Variants in MOK observed in about 807,000 individuals in gnomAD.
MOK encodes MAPK/MAK/MRK overlapping kinase.
In MOK, 59 loss-of-function variants were observed where a neutral mutation model predicts 54.2. The ratio of observed to expected loss-of-function variants is 1.09; its 90% CI spans 0.88 to 1.35. The LOEUF is 1.35. MOK is among the 40% of genes most tolerant of loss of function. The pLI is 0.00. For synonymous variants in MOK, 210 were observed against 202.7 expected, an observed-to-expected ratio of 1.04 and a Z score of -0.31; for missense variants, 517 against 526.2, an observed-to-expected ratio of 0.98 and a Z score of 0.17.
chr14:102,254,079 G>A (rs1429531982), intron 4 of MOK, among the ~76,000 whole-genome samples: 1 of 151,840 alleles, frequency 6.6e-6, no homozygotes, highest in African/African-American at 2.4e-5. Flanking sequence ...CCACCTCCCA[G>A]GTTCAAGCAA....
downstream of MOK, chr14:102,225,486 T>C (rs989548914): frequency 6.6e-6 from 1 of 152,308 alleles, no homozygotes; most frequent in African/African-American, 2.4e-5. Context: ...AGCAGTTTGG[T>C]CAGATGATCC....
At chr14:102,297,315 G>C (rs577449470) in intron 1 of MOK, among the ~76,000 whole-genome samples, 1 of 146,862 alleles carries the variant, frequency 6.8e-6, no homozygotes, top group East Asian at 2.0e-4. Flanking sequence ...CCAAGATTAC[G>C]TCACTGCACT....
chr14:102,275,182 T>A lies in MOK; in HGVS notation c.122+8296A>T, dbSNP rs527907563. 3.3e-5 allele frequency among the ~76,000 whole-genome samples: 5 copies of A among 152,292 alleles called. No homozygotes were observed. In the South Asian group the frequency reaches 1.0e-3, roughly 32 times the overall value. On this transcript the variant is annotated intron_variant, in intron 2 of 11. Transcript: ENST00000361847. ...CACTGAAGGCAAGGAAAGTCTTTTTTTAACAAATGATGCTGGAACAACTGG... is the reference window on the plus strand; with the variant it reads ...CACTGAAGGCAAGGAAAGTCTTTTTATAACAAATGATGCTGGAACAACTGG...
Position 102,272,227 on chromosome 14 carries a change from G to A in MOK, c.123-6315C>T, listed in dbSNP as rs530066604. Among the ~76,000 whole-genome samples, 69 of 152,304 alleles carry A rather than the reference G, an allele frequency of 4.5e-4. 1 individual carries two copies. The highest frequency in any genetic ancestry group is 1.5e-3 in the African/African-American group (64 of 41,580). ...GTATAGGCCAAGCATGGTAGCTCACGCCTGTAATCCTAGTGCTTTGGGAGG... is the reference window on the plus strand; with the variant it reads ...GTATAGGCCAAGCATGGTAGCTCACACCTGTAATCCTAGTGCTTTGGGAGG... On this transcript the variant is annotated intron_variant, in intron 2 of 11. Transcript: ENST00000361847.
chr14:102,255,874 T>G (rs1240029729), intron 4 of MOK, among the ~76,000 whole-genome samples: 1 of 152,182 alleles, frequency 6.6e-6, no homozygotes, highest in African/African-American at 2.4e-5. Flanking sequence ...ACAAGTTAAT[T>G]TTTACCAAAT....
rs1360784508 is a variant in MOK at position 102,231,842 on chromosome 14, A to T, written c.867-21T>A. 1 of 1,602,520 alleles carries T rather than the reference A, an allele frequency of 6.2e-7. No individual in the cohort carries two copies. The highest frequency in any genetic ancestry group is 2.2e-5 in the East Asian group (1 of 44,714). ...TTTTCCTACGGGGAAGGAGAAGAGA[A>T]TGGAGCAGCTCCACTGAGAGCCCGC... On this transcript the variant is annotated intron_variant, in intron 9 of 11. Transcript: ENST00000361847. This position sits in a 1 kb window ranked among gnomAD's most constrained non-coding sequence, Gnocchi z 4.4.
rs2065251350 is a variant in MOK, at chr14:102,236,711, G to A, written c.591-2922C>T. On this transcript the variant is annotated intron_variant, in intron 7 of 11. Transcript: ENST00000361847. The surrounding 1 kb of genome is among the most constrained non-coding windows in gnomAD (Gnocchi z 4.5). ...CACCCCTTCCCTAGCTACTCACCAC[G>A]ACCCCATCAAAATCCAGTTAAAAGA... Among the ~76,000 whole-genome samples the A allele has an allele frequency of 6.6e-6, 1 of 151,290 alleles. No individual in the cohort carries two copies. Among genetic ancestry groups the A allele is most frequent in the East Asian group, 1.9e-4 (1 of 5,142 alleles).
intron 3 of MOK, chr14:102,264,224 AAAAAAAG>A (rs1313046534): frequency 8.4e-5 from 13 of 153,892 alleles, no homozygotes; most frequent in Middle Eastern, 6.4e-3. Context: ...AAAAAAAAAA[AAAAAAAG>A]AAAGAAAGAA....
At chr14:102,265,758 T>C in intron 3 of MOK, 65 bp downstream of exon 3, 1 of 1,346,630 alleles carries the variant, frequency 7.4e-7, no homozygotes, top group Non-Finnish European at 1.1e-6. Flanking sequence ...ACCATGGTTT[T>C]CTTTCTTAAA....
chr14:102,299,664 C>T (rs1265367924), intron 1 of MOK, among the ~76,000 whole-genome samples: 1 of 152,144 alleles, frequency 6.6e-6, no homozygotes, highest in African/African-American at 2.4e-5. Flanking sequence ...CAGCTCACTA[C>T]AGCCTCAAAC....
rs1301252851 is a variant in MOK at position 102,235,275 on chromosome 14, T to C, written c.591-1486A>G. The C allele has an allele frequency of 1.3e-5, 2 of 152,252 alleles. No homozygotes were observed. Among genetic ancestry groups the C allele is most frequent in the African/African-American group, 4.8e-5 (2 of 41,464 alleles). The allele number at this position is 152,252 out of a possible 1,614,324, so 9.4% of individuals were successfully genotyped here. On this transcript the variant is annotated intron_variant, in intron 7 of 11. Coordinates refer to ENST00000361847, the MANE Select transcript of MOK (RefSeq NM_014226.3). This position sits in a 1 kb window ranked among gnomAD's most constrained non-coding sequence, Gnocchi z 4.4. Reference sequence around the variant, plus strand: ...CACGTCCCATTTTCCCTCTCTAATGTTTCCCAAATTGAGAAACGTCCAGGT... The same window carrying C: ...CACGTCCCATTTTCCCTCTCTAATGCTTCCCAAATTGAGAAACGTCCAGGT...
At chr14:102,279,777 G>A (rs762753260) in intron 2 of MOK, among the ~76,000 whole-genome samples, 2 of 152,052 alleles carry the variant, frequency 1.3e-5, no homozygotes, top group Non-Finnish European at 2.9e-5. Flanking sequence ...ACAATGCTCA[G>A]GAGTGAAAGT....
At chr14:102,287,716 C>G (rs1184188492) in intron 1 of MOK, among the ~76,000 whole-genome samples, 1 of 151,574 alleles carries the variant, frequency 6.6e-6, no homozygotes, top group Non-Finnish European at 1.5e-5. Context: ...TAGATAATAA[C>G]AAGTGTTGGT....
intron 4 of MOK, among the ~76,000 whole-genome samples, chr14:102,254,494 G>T (rs1019485304): frequency 6.6e-6 from 1 of 152,148 alleles, no homozygotes; most frequent in Non-Finnish European, 1.5e-5. Flanking sequence ...GCAGCAGAAT[G>T]AAGCTGCTGG....
At chr14:102,223,101 C>T (rs2064103589), downstream of MOK, 1 of 457,760 alleles carries the variant, frequency 2.2e-6, no homozygotes, top group Non-Finnish European at 3.8e-6. Context: ...TTTGGGGCTG[C>T]AGTAAAAAAT....
intron 2 of MOK, among the ~76,000 whole-genome samples, chr14:102,272,968 G>A (rs149457679): frequency 1.3e-5 from 2 of 152,078 alleles, no homozygotes; most frequent in South Asian, 2.1e-4. Flanking sequence ...TCAGGAGTTC[G>A]AGACCAGCCT....
intron 4 of MOK, among the ~76,000 whole-genome samples, chr14:102,257,623 C>A (rs2067073642): frequency 6.6e-6 from 1 of 152,190 alleles, no homozygotes; most frequent in Non-Finnish European, 1.5e-5. Context: ...AAAGCACAGT[C>A]CATGAGCTGA....
intron 6 of MOK, 123 bp from the exon 7 acceptor site, chr14:102,251,113 C>A: frequency 9.5e-7 from 1 of 1,051,566 alleles, no homozygotes; most frequent in South Asian, 1.6e-5. Context: ...CTGTAAAATA[C>A]AAATTACTGG....
In MOK at chr14:102,274,584, G is replaced by A. The variant is rs1399416101; in HGVS notation, c.123-8672C>T. Among the ~76,000 whole-genome samples the A allele has an allele frequency of 4.0e-5, 6 of 151,138 alleles. No individual in the cohort carries two copies. The East Asian group carries it at 1.2e-3, about 30-fold the overall frequency. On this transcript the variant is annotated intron_variant, in intron 2 of 11. Coordinates refer to ENST00000361847, the MANE Select transcript of MOK (RefSeq NM_014226.3). The stretch of plus-strand genomic sequence containing the variant: ...TTTTATTTTTTAATAGAATTGATGA[G>A]CTATATTCCTAGAATCCTCACAGAA...
Sources: allele counts gnomAD v4.1 joint callset (sites outside exome capture counted in the v4.1 genomes callset), GRCh38; gene constraint gnomAD v4.1.1; non-coding constraint Gnocchi (gnomAD v3.1); transcripts MANE v1.5; gene names NCBI Gene and HGNC (gene_info 2026-07-23, HGNC 2026-07-21).